Variants in FRAS1 observed in about 807,000 individuals in gnomAD.
FRAS1 encodes extracellular matrix organizing protein FRAS1.
A neutral mutation model predicts 435.2 loss-of-function variants in FRAS1; 290 were observed. The ratio of observed to expected loss-of-function variants is 0.67; its 90% confidence interval spans 0.61 to 0.73. The LOEUF (loss-of-function observed/expected upper bound fraction) is 0.73, where lower values mean the gene tolerates loss of function less well. Among genes scored for constraint, FRAS1 ranks in the 30% least tolerant of loss-of-function variants. FRAS1 has a pLI of 0.00. For synonymous variants in FRAS1, 1,800 were observed against 1,851.0 expected (o/e 0.97, Z 0.71); for missense variants, 4,860 against 5,001.5 (o/e 0.97, Z 0.85).
At chr4:78,283,042 C>G (rs374566660) in intron 12 of FRAS1, 75 bp downstream of exon 12, 1 of 1,155,010 alleles carries the variant, frequency 8.7e-7, no homozygotes, top group Non-Finnish European at 1.1e-6. Flanking sequence ...TTCCCCACCC[C>G]CTTGCTTCTT....
intron 9 of FRAS1, among the ~76,000 whole-genome samples, chr4:78,271,000 A>G (rs920438582): frequency 6.6e-6 from 1 of 152,208 alleles, no homozygotes; most frequent in Non-Finnish European, 1.5e-5. Context: ...AAAATAACAC[A>G]TATTCATTCT....
chr4:78,330,663 C>T (rs1466023928), intron 18 of FRAS1, among the ~76,000 whole-genome samples: 2 of 152,200 alleles, frequency 1.3e-5, no homozygotes, highest in African/African-American at 2.4e-5. Flanking sequence ...ACCCCAGTCT[C>T]CCATAGCACT....
chr4:78,524,419 G>A (rs990753399), intron 69 of FRAS1, among the ~76,000 whole-genome samples: 2 of 152,184 alleles, frequency 1.3e-5, no homozygotes, highest in African/African-American at 4.8e-5. Flanking sequence ...GCCAGAGGCT[G>A]GGGAGTTGTA....
chr4:78,481,934 G>A lies in FRAS1; in HGVS notation c.8574G>A (p.Lys2858=), dbSNP rs201745281. 8.1e-4 allele frequency: 1,313 copies of A among 1,613,886 alleles called. 7 individuals are homozygous for A. The Middle Eastern group carries it at 0.013, about 16-fold the overall frequency. Residue 2858 remains lysine, a synonymous_variant, in exon 57 of 74, where the codon AAG becomes AAA. Transcript: ENST00000512123. The part of the protein sequence containing the change: ...PGVDYVPSSR[K]VEFGPGVIEQ... Reference sequence around the variant, plus strand: ...TTGACTACGTTCCCAGCTCTCGGAAGGTGGAATTTGGGCCTGGTGTCATTG... The same window carrying A: ...TTGACTACGTTCCCAGCTCTCGGAAAGTGGAATTTGGGCCTGGTGTCATTG...
At chr4:78,433,636 C>T (rs1053486349) in intron 38 of FRAS1, among the ~76,000 whole-genome samples, 2 of 152,180 alleles carry the variant, frequency 1.3e-5, no homozygotes, top group African/African-American at 4.8e-5. Context: ...CACCCTAATT[C>T]TTCTCACGGG....
chr4:78,128,970 T>C (rs550524405), intron 2 of FRAS1, among the ~76,000 whole-genome samples: 64 of 152,344 alleles, frequency 4.2e-4, no homozygotes, highest in African/African-American at 1.5e-3. Context: ...ACTTTCTCCA[T>C]ATGGCTAGCC....
At chr4:78,403,916 T>C (rs933947020) in intron 30 of FRAS1, among the ~76,000 whole-genome samples, 4 of 152,190 alleles carry the variant, frequency 2.6e-5, no homozygotes, top group African/African-American at 9.6e-5. Flanking sequence ...ATGTAACTTA[T>C]TAACTACTGT....
intron 2 of FRAS1, among the ~76,000 whole-genome samples, chr4:78,068,125 G>A (rs1740147099): frequency 6.6e-6 from 1 of 152,112 alleles, no homozygotes; most frequent in Non-Finnish European, 1.5e-5. Flanking sequence ...GCTATTCTAT[G>A]CACTGGAATG....
At chr4:78,062,883 G>A (rs760894005) in intron 1 of FRAS1, among the ~76,000 whole-genome samples, 8 of 152,098 alleles carry the variant, frequency 5.3e-5, no homozygotes, top group Non-Finnish European at 1.0e-4. Flanking sequence ...TGAGGTGTTA[G>A]AACTTAAATT....
intron 2 of FRAS1, among the ~76,000 whole-genome samples, chr4:78,114,611 A>G (rs1362445962): frequency 6.6e-6 from 1 of 151,682 alleles, no homozygotes; most frequent in Non-Finnish European, 1.5e-5. Flanking sequence ...GGGTTCACTC[A>G]TGATTTGGCT....
intron 69 of FRAS1, among the ~76,000 whole-genome samples, chr4:78,524,340 A>G (rs1053343801): frequency 1.8e-4 from 27 of 152,298 alleles, no homozygotes; most frequent in African/African-American, 5.8e-4. Context: ...CCCACCAAGC[A>G]CTCCATGCTA....
chr4:78,121,385 G>A (rs1719013863), intron 2 of FRAS1, among the ~76,000 whole-genome samples: 1 of 152,168 alleles, frequency 6.6e-6, no homozygotes, highest in Admixed American at 6.5e-5. Context: ...AGTATTCATT[G>A]GCACTAAGAG....
chr4:78,399,858 T>C (rs552222043), intron 29 of FRAS1, among the ~76,000 whole-genome samples: 2 of 152,348 alleles, frequency 1.3e-5, no homozygotes, highest in East Asian at 1.9e-4. Context: ...TCTCCTGCCA[T>C]TGGAGCCTGT....
At chr4:78,420,655 A>G (rs562036945) in intron 33 of FRAS1, among the ~76,000 whole-genome samples, 2 of 152,218 alleles carry the variant, frequency 1.3e-5, no homozygotes, top group East Asian at 3.9e-4. Flanking sequence ...GAAGGAAAGA[A>G]GTTAGATTGA....
intron 31 of FRAS1, among the ~76,000 whole-genome samples, chr4:78,410,238 A>G (rs1293112400): frequency 3.9e-5 from 6 of 152,212 alleles, no homozygotes; most frequent in African/African-American, 1.2e-4. Flanking sequence ...TCAAAATAAT[A>G]TTTGATTGCT....
chr4:78,427,758 GACATGGAGTGT>G (rs1734051923), intron 35 of FRAS1, among the ~76,000 whole-genome samples: 1 of 152,228 alleles, frequency 6.6e-6, no homozygotes, highest in South Asian at 2.1e-4. Flanking sequence ...ACATCTCCAA[GACATGGAGTGT>G]ACCTTATAAA....
At chr4:78,172,754 A>T (rs1014660422) in intron 2 of FRAS1, among the ~76,000 whole-genome samples, 3 of 149,036 alleles carry the variant, frequency 2.0e-5, no homozygotes, top group African/African-American at 4.9e-5. Context: ...AAAAGTCACC[A>T]TTTTTTTTTT....
chr4:78,289,125 GAAA>G (rs34147642), intron 14 of FRAS1, among the ~76,000 whole-genome samples: 1 of 152,064 alleles, frequency 6.6e-6, no homozygotes, highest in African/African-American at 2.4e-5. Flanking sequence ...GGGCAGAGTT[GAAA>G]AAAAGTAGCA....
intron 2 of FRAS1, among the ~76,000 whole-genome samples, chr4:78,080,643 T>A (rs1341436281): frequency 6.6e-6 from 1 of 152,158 alleles, no homozygotes; most frequent in Non-Finnish European, 1.5e-5. Flanking sequence ...AATTACATAG[T>A]TTAAACTGCA....
Sources: allele counts gnomAD v4.1 joint callset (sites outside exome capture counted in the v4.1 genomes callset), GRCh38; gene constraint gnomAD v4.1.1; transcripts MANE v1.5; gene names NCBI Gene and HGNC (gene_info 2026-07-23, HGNC 2026-07-21).